The following PCDH15 variants were observed in gnomAD, a reference collection of about 807,000 sequenced individuals.
PCDH15 encodes the protein protocadherin related 15, also known as protocadherin-15.
PCDH15 carries 129 observed loss-of-function variants against 178.5 expected under a neutral mutation model. The ratio of observed to expected loss-of-function variants is 0.72; its 90% CI spans 0.63 to 0.84. PCDH15 has a LOEUF of 0.84. PCDH15 is among the 40% of genes least tolerant of loss of function. The pLI is 0.00. For missense variants in PCDH15, 2,230 were observed against 2,099.9 expected (o/e 1.06, Z -1.21); for synonymous variants, 800 against 732.0 (o/e 1.09, Z -1.50).
chr10:53,916,068 C>G (rs2083501854), intron 25 of PCDH15, among the ~76,000 whole-genome samples: 1 of 152,118 alleles, frequency 6.6e-6, no homozygotes, highest in South Asian at 2.1e-4. Flanking sequence ...TCAATCATCT[C>G]CAGATAACTT....
intron 2 of PCDH15, among the ~76,000 whole-genome samples, chr10:55,129,526 T>C (rs775230537): frequency 7.9e-5 from 12 of 152,120 alleles, no homozygotes; most frequent in Non-Finnish European, 1.8e-4. Flanking sequence ...ATCTACATAG[T>C]CAATTCTTCT....
At chr10:55,100,818 AGGG>A (rs1358258354) in intron 2 of PCDH15, among the ~76,000 whole-genome samples, 2 of 152,070 alleles carry the variant, frequency 1.3e-5, no homozygotes, top group Non-Finnish European at 1.5e-5. Flanking sequence ...TGAGTTTTGG[AGGG>A]GAAAATATCT....
intron 26 of PCDH15, among the ~76,000 whole-genome samples, chr10:53,894,196 T>C (rs1186065051): frequency 6.6e-6 from 1 of 152,194 alleles, no homozygotes; most frequent in Admixed American, 6.5e-5. Context: ...TGCACACAGA[T>C]AAACGATAAC....
intron 3 of PCDH15, among the ~76,000 whole-genome samples, chr10:54,846,164 C>T (rs1439834497): frequency 6.6e-6 from 1 of 152,092 alleles, no homozygotes; most frequent in Non-Finnish European, 1.5e-5. Context: ...ACTAATACCA[C>T]CTGCACTTCA....
At chr10:53,840,998 G>T (rs966716907) in intron 28 of PCDH15, among the ~76,000 whole-genome samples, 1 of 152,150 alleles carries the variant, frequency 6.6e-6, no homozygotes, top group Non-Finnish European at 1.5e-5. Context: ...AGAATGTGGA[G>T]ATATTTTGCA....
At chr10:55,622,634 C>T (rs931523525) in intron 2 of PCDH15, among the ~76,000 whole-genome samples, 5 of 151,948 alleles carry the variant, frequency 3.3e-5, no homozygotes, top group African/African-American at 1.2e-4. Context: ...ATAAGAATTC[C>T]ACTGTAAAGT....
At chr10:54,954,699 C>T (rs1838436602) in intron 2 of PCDH15, among the ~76,000 whole-genome samples, 1 of 151,100 alleles carries the variant, frequency 6.6e-6, no homozygotes, top group South Asian at 2.1e-4. Flanking sequence ...AATACTTACA[C>T]CAATTTTTAG....
At chr10:54,431,320 A>G (rs11510904) in intron 3 of PCDH15, among the ~76,000 whole-genome samples, 60,397 of 151,978 alleles carry the variant, frequency 0.4, 13,176 homozygotes, top group Middle Eastern at 0.51. Context: ...ATAGGCCAAA[A>G]TTTCTGATGA....
chr10:54,870,181 A>G (rs1466859382), intron 3 of PCDH15, among the ~76,000 whole-genome samples: 1 of 152,228 alleles, frequency 6.6e-6, no homozygotes, highest in African/African-American at 2.4e-5. Context: ...TTCAGTGACC[A>G]TCAGAGCTCT....
intron 8 of PCDH15, among the ~76,000 whole-genome samples, chr10:54,306,098 G>C (rs911205580): frequency 1.1e-4 from 17 of 151,658 alleles, no homozygotes; most frequent in African/African-American, 3.9e-4. Flanking sequence ...ACCAGATTTC[G>C]GGCAAACCTG....
intron 1 of PCDH15, among the ~76,000 whole-genome samples, chr10:54,788,936 G>T (rs1951141346): frequency 6.6e-6 from 1 of 151,846 alleles, no homozygotes; most frequent in East Asian, 1.9e-4. Flanking sequence ...TAGAATCAAG[G>T]TCCTCTAGAA....
chr10:55,490,575 A>G (rs1362966890), intron 2 of PCDH15, among the ~76,000 whole-genome samples: 1 of 151,802 alleles, frequency 6.6e-6, no homozygotes, highest in African/African-American at 2.4e-5. Flanking sequence ...TAGTGGAGCT[A>G]CTTAGCCCTA....
Position 54,394,431 on chromosome 10 carries a change from C to T in PCDH15, c.158-15489G>A, listed in dbSNP as rs576186545. Among the ~76,000 whole-genome samples the T allele has an allele frequency of 2.0e-5, 3 of 152,084 alleles. No individual in the cohort carries two copies. In the South Asian group the frequency reaches 6.2e-4, roughly 32 times the overall value. On this transcript the variant is annotated intron_variant, in intron 3 of 37. Transcript: ENST00000644397. ...GGAGACATCACATGTCGGTACGTTC[C>T]GTGATGCCCCACAAGCCACAAAAAC...
intron 29 of PCDH15, among the ~76,000 whole-genome samples, chr10:53,838,967 T>G (rs1222993098): frequency 6.6e-6 from 1 of 152,070 alleles, no homozygotes; most frequent in African/African-American, 2.4e-5. Context: ...CACTTTGGGA[T>G]GCCAAGGCGG....
chr10:55,566,468 A>C (rs552432743), intron 2 of PCDH15, among the ~76,000 whole-genome samples: 2 of 151,830 alleles, frequency 1.3e-5, no homozygotes, highest in East Asian at 3.9e-4. Flanking sequence ...CTAGAAAAAA[A>C]TATGAAAGGA....
chr10:54,326,768 A>C (rs1317765227), intron 7 of PCDH15, among the ~76,000 whole-genome samples: 6 of 152,130 alleles, frequency 3.9e-5, no homozygotes, highest in African/African-American at 1.4e-4. Flanking sequence ...AATAAACAAA[A>C]ACGGAGTATT....
intron 1 of PCDH15, among the ~76,000 whole-genome samples, chr10:54,674,743 T>G (rs537239978): frequency 2.8e-4 from 43 of 152,226 alleles, no homozygotes; most frequent in African/African-American, 9.6e-4. Context: ...AAAGCTGAGT[T>G]TTATTTTTCT....
chr10:55,056,126 T>A (rs1841294207), intron 2 of PCDH15, among the ~76,000 whole-genome samples: 1 of 152,166 alleles, frequency 6.6e-6, no homozygotes, highest in Non-Finnish European at 1.5e-5. Context: ...GTCAAAGCAT[T>A]CACTTAGCAA....
intron 1 of PCDH15, among the ~76,000 whole-genome samples, chr10:55,206,899 T>C (rs954126075): frequency 6.6e-6 from 1 of 152,104 alleles, no homozygotes; most frequent in African/African-American, 2.4e-5. Flanking sequence ...TTTTGACCTC[T>C]TAAATAAATC....
Sources: gnomAD v4.1 joint callset for allele counts (sites outside exome capture counted in the v4.1 genomes callset) on GRCh38, gnomAD v4.1.1 for gene constraint, MANE v1.5 for transcripts, NCBI Gene and HGNC (gene_info 2026-07-23, HGNC 2026-07-21) for gene names.